The following FBXW7 variants were observed in gnomAD, a reference collection of about 807,000 sequenced individuals.
FBXW7 encodes the protein F-box and WD repeat domain containing 7, also known as F-box/WD repeat-containing protein 7.
FBXW7 carries 11 observed loss-of-function variants against 86.3 expected under a neutral mutation model. The ratio of observed to expected loss-of-function variants is 0.13; its 90% confidence interval spans 0.08 to 0.21. FBXW7 has a LOEUF of 0.21. Ranked by LOEUF, FBXW7 falls within the 10% of genes least tolerant of loss-of-function variation. The pLI is 1.00. For missense variants in FBXW7, 488 were observed against 847.4 expected, an observed-to-expected ratio of 0.58 and a Z score of 5.27; for synonymous variants, 313 against 297.9, an observed-to-expected ratio of 1.05 and a Z score of -0.52.
At chr4:152,341,634 T>C (rs966739463) in intron 6 of FBXW7, among the ~76,000 whole-genome samples, 23 of 152,210 alleles carry the variant, frequency 1.5e-4, no homozygotes, top group African/African-American at 5.5e-4. Flanking sequence ...AATGCTATCA[T>C]CTCAACTCTA....
At chr4:152,477,495 C>T (rs1361990607) in intron 2 of FBXW7, among the ~76,000 whole-genome samples, 6 of 152,002 alleles carry the variant, frequency 3.9e-5, no homozygotes, top group South Asian at 2.1e-4. Flanking sequence ...AAAGAGAATC[C>T]GGTAGAAGTA....
chr4:152,444,206 A>C (rs1317351695), intron 2 of FBXW7, among the ~76,000 whole-genome samples: 1 of 152,184 alleles, frequency 6.6e-6, no homozygotes, highest in Non-Finnish European at 1.5e-5. Flanking sequence ...ACATATATGT[A>C]TGACCATAAT....
At chr4:152,393,046 G>A (rs1346873291) in intron 4 of FBXW7, among the ~76,000 whole-genome samples, 2 of 152,108 alleles carry the variant, frequency 1.3e-5, no homozygotes, top group Non-Finnish European at 2.9e-5. Flanking sequence ...AATAAGGCAA[G>A]TATAATAAAG....
intron 4 of FBXW7, among the ~76,000 whole-genome samples, chr4:152,387,079 T>C (rs1281278227): frequency 6.6e-6 from 1 of 152,200 alleles, no homozygotes; most frequent in Non-Finnish European, 1.5e-5. Context: ...AAATTATTCC[T>C]GAATCAGCTA....
At chr4:152,518,591 T>C (rs995781624) in intron 2 of FBXW7, among the ~76,000 whole-genome samples, 1 of 152,204 alleles carries the variant, frequency 6.6e-6, no homozygotes, top group Non-Finnish European at 1.5e-5. Flanking sequence ...GCCATCACGC[T>C]CAGCTTCAGC....
At chr4:152,444,103 T>C (rs1741148760) in intron 2 of FBXW7, among the ~76,000 whole-genome samples, 1 of 151,982 alleles carries the variant, frequency 6.6e-6, no homozygotes, top group African/African-American at 2.4e-5. Context: ...CATGTTAGGT[T>C]ACACTACATG....
chr4:152,417,796 A>G (rs1738576872), intron 2 of FBXW7, among the ~76,000 whole-genome samples: 1 of 152,092 alleles, frequency 6.6e-6, no homozygotes, highest in Non-Finnish European at 1.5e-5. Flanking sequence ...GCCTCCATCT[A>G]TCGCACCTTG....
intron 2 of FBXW7, among the ~76,000 whole-genome samples, chr4:152,455,094 C>G (rs1742288610): frequency 6.6e-6 from 1 of 151,996 alleles, no homozygotes; most frequent in South Asian, 2.1e-4. Context: ...ATAATAATAT[C>G]TCAAGAATAT....
intron 2 of FBXW7, among the ~76,000 whole-genome samples, chr4:152,481,649 A>G (rs1399432352): frequency 6.6e-6 from 1 of 152,190 alleles, no homozygotes; most frequent in South Asian, 2.1e-4. Context: ...AGATCAAAAC[A>G]CCAGCATTAA....
chr4:152,507,716 A>G (rs1747554352), intron 2 of FBXW7, among the ~76,000 whole-genome samples: 1 of 152,162 alleles, frequency 6.6e-6, no homozygotes, highest in South Asian at 2.1e-4. Context: ...TGGGGCAGAG[A>G]AAAGCACAAG....
chr4:152,352,951 C>G, intron 4 of FBXW7: 1 of 1,395,834 alleles, frequency 7.2e-7, no homozygotes, highest in Non-Finnish European at 9.3e-7. Flanking sequence ...CTCCAGGGAA[C>G]CCGTAAGAAC....
Position 152,411,289 on chromosome 4 carries a change from T to C in FBXW7, c.501+14A>G. The C allele has an allele frequency of 6.4e-7, 1 of 1,569,186 alleles. No individual in the cohort carries two copies. The highest frequency in any genetic ancestry group is 2.3e-5 in the East Asian group (1 of 44,294). Reference sequence around the variant, plus strand: ...TAAAGTTTCTCAGGTTAACAATATATTGAATATACTCACTTTTGTTGTTTT... The same window carrying C: ...TAAAGTTTCTCAGGTTAACAATATACTGAATATACTCACTTTTGTTGTTTT... On this transcript the variant is annotated intron_variant, in intron 4 of 13. Transcript: ENST00000281708.
At chr4:152,524,008 C>G (rs1749265039) in intron 2 of FBXW7, among the ~76,000 whole-genome samples, 1 of 152,148 alleles carries the variant, frequency 6.6e-6, no homozygotes, top group African/African-American at 2.4e-5. Flanking sequence ...TCTCAGCATT[C>G]AGAAAACCAG....
At chr4:152,470,210 T>C (rs1294097689) in intron 2 of FBXW7, among the ~76,000 whole-genome samples, 1 of 152,098 alleles carries the variant, frequency 6.6e-6, no homozygotes, top group Non-Finnish European at 1.5e-5. Flanking sequence ...TATATAGAGA[T>C]GCTAATGAAT....
At chr4:152,446,670 T>C (rs1241378016) in intron 2 of FBXW7, among the ~76,000 whole-genome samples, 1 of 152,232 alleles carries the variant, frequency 6.6e-6, no homozygotes, top group Non-Finnish European at 1.5e-5. Flanking sequence ...AAATACTGTC[T>C]AATCACAGAC....
intron 4 of FBXW7, 82 bp downstream of exon 4, chr4:152,411,221 C>T (rs1737921932): frequency 7.0e-7 from 1 of 1,438,636 alleles, no homozygotes; most frequent in Non-Finnish European, 9.2e-7. Flanking sequence ...TTTAGTAATA[C>T]AAAGACTGTG....
chr4:152,374,526 T>C (rs1306463198), intron 4 of FBXW7, among the ~76,000 whole-genome samples: 5 of 152,024 alleles, frequency 3.3e-5, no homozygotes. Context: ...AAAAATTCCT[T>C]AAGGATTTTT....
intron 2 of FBXW7, among the ~76,000 whole-genome samples, chr4:152,463,357 A>G (rs1457407577): frequency 6.6e-6 from 1 of 152,176 alleles, no homozygotes; most frequent in South Asian, 2.1e-4. Context: ...TTGTAAGTTT[A>G]AACTCCACCA....
At chr4:152,338,946 T>C (rs751708192) in intron 6 of FBXW7, among the ~76,000 whole-genome samples, 2 of 152,114 alleles carry the variant, frequency 1.3e-5, no homozygotes, top group Non-Finnish European at 2.9e-5. Flanking sequence ...CCATTTCTTG[T>C]CCAAACAAGA....
Sources: allele counts gnomAD v4.1 joint callset (sites outside exome capture counted in the v4.1 genomes callset), GRCh38; gene constraint gnomAD v4.1.1; transcripts MANE v1.5; gene names NCBI Gene and HGNC (gene_info 2026-07-23, HGNC 2026-07-21).